Variants in CAMSAP2 observed in about 807,000 individuals in gnomAD.
CAMSAP2 encodes calmodulin regulated spectrin associated protein family member 2.
Under a neutral mutation model 146.1 loss-of-function variants are expected in CAMSAP2, and 26 were observed. That is an observed-to-expected ratio of 0.18 (90% CI 0.13 to 0.25). The LOEUF (loss-of-function observed/expected upper bound fraction) is 0.25, where lower values mean the gene tolerates loss of function less well. Ranked by LOEUF, CAMSAP2 falls within the 10% of genes least tolerant of loss-of-function variation. The pLI, the probability that CAMSAP2 is intolerant of heterozygous loss-of-function variation, is 1.00. For synonymous variants in CAMSAP2, 499 were observed against 596.6 expected (o/e 0.84, Z 2.38); for missense variants, 1,381 against 1,759.3 (o/e 0.78, Z 3.85).
rs182215118 is a variant in CAMSAP2 at position 200,744,613 on chromosome 1, A to G, written c.139+4647A>G. On this transcript the variant is annotated intron_variant, in intron 1 of 16. Coordinates refer to ENST00000358823, the MANE Select transcript of CAMSAP2 (RefSeq NM_203459.4). ...TCAGAAATAAGCTAAGAGTCATATAATTGGAAATATGACATTCAGAGGGAG... is the reference window on the plus strand; with the variant it reads ...TCAGAAATAAGCTAAGAGTCATATAGTTGGAAATATGACATTCAGAGGGAG... 3.0e-4 allele frequency among the ~76,000 whole-genome samples: 45 copies of G among 152,340 alleles called. No individual in the cohort carries two copies. In the East Asian group the frequency reaches 8.7e-3, roughly 29 times the overall value.
At chr1:200,841,640 C>G (rs1277515159) in intron 6 of CAMSAP2, among the ~76,000 whole-genome samples, 1 of 152,084 alleles carries the variant, frequency 6.6e-6, no homozygotes. Flanking sequence ...AAGTGATAAC[C>G]CCTCTTTAGA....
intron 2 of CAMSAP2, among the ~76,000 whole-genome samples, chr1:200,798,052 C>A (rs1213283034): frequency 6.7e-6 from 1 of 150,330 alleles, no homozygotes; most frequent in African/African-American, 2.4e-5. Context: ...GGTACCAGTA[C>A]CATGCTGTTT....
chr1:200,831,554 G>C (rs1414540831), intron 4 of CAMSAP2, among the ~76,000 whole-genome samples: 2 of 151,420 alleles, frequency 1.3e-5, no homozygotes, highest in African/African-American at 4.9e-5. Flanking sequence ...AGGAAACAAA[G>C]GTTTCTTCTC....
At position 200,849,585 on chromosome 1, in the gene CAMSAP2, C is replaced by G. The variant is rs1410827179; in HGVS notation, c.2816C>G (p.Ala939Gly). ...QIRDFKPSKQ[A>G]GLSSAIAPFS... Reference sequence around the variant, plus strand: ...CGAGATTTTAAGCCTTCTAAGCAGGCAGGCCTGTCATCAGCCATTGCACCA... The same window carrying G: ...CGAGATTTTAAGCCTTCTAAGCAGGGAGGCCTGTCATCAGCCATTGCACCA... The change falls in exon 11 of 17, where the codon GCA becomes GGA. Residue 939 changes from alanine to glycine, a missense_variant. Ala to Gly is a moderately conservative substitution (Grantham distance 60). This residue lies in a region of CAMSAP2 where 560 missense variants were observed against 715.9 expected (regional missense o/e 0.78). Coordinates refer to ENST00000358823, the MANE Select transcript of CAMSAP2 (RefSeq NM_203459.4). This position sits in a 1 kb window ranked among gnomAD's most constrained non-coding sequence, Gnocchi z 6.3. The G allele has an allele frequency of 6.2e-7, 1 of 1,614,204 alleles. No homozygotes were observed.
At chr1:200,828,981 C>A (rs951042219) in intron 4 of CAMSAP2, among the ~76,000 whole-genome samples, 34 of 151,798 alleles carry the variant, frequency 2.2e-4, no homozygotes, top group African/African-American at 8.2e-4. Context: ...CATGGAAAAA[C>A]CCCATCTCTA....
intron 2 of CAMSAP2, among the ~76,000 whole-genome samples, chr1:200,785,127 T>C (rs1177913531): frequency 6.6e-6 from 1 of 152,176 alleles, no homozygotes; most frequent in African/African-American, 2.4e-5. Context: ...GTAAATTATC[T>C]CTTTTATATA....
intron 2 of CAMSAP2, among the ~76,000 whole-genome samples, chr1:200,775,604 A>G (rs955363860): frequency 2.0e-5 from 3 of 152,116 alleles, no homozygotes; most frequent in African/African-American, 7.2e-5. Context: ...ATCTCAGCTC[A>G]CTGCAACCTC....
At chr1:200,746,776 G>A (rs530805034) in intron 1 of CAMSAP2, among the ~76,000 whole-genome samples, 70 of 151,580 alleles carry the variant, frequency 4.6e-4, no homozygotes, top group Non-Finnish European at 4.4e-4. Context: ...CCACCACCAC[G>A]CCCAGCTAAT....
intron 1 of CAMSAP2, among the ~76,000 whole-genome samples, chr1:200,757,685 T>C (rs1226699834): frequency 6.6e-6 from 1 of 152,224 alleles, no homozygotes; most frequent in Non-Finnish European, 1.5e-5. Context: ...TTTGAAGTCT[T>C]CTCTTAAGTA....
intron 6 of CAMSAP2, among the ~76,000 whole-genome samples, chr1:200,838,488 T>G (rs1359296813): frequency 6.6e-6 from 1 of 152,224 alleles, no homozygotes; most frequent in East Asian, 1.9e-4. Flanking sequence ...CGTAGATTCA[T>G]TCATTTGTAC....
chr1:200,765,004 T>G (rs1292253251), intron 2 of CAMSAP2, among the ~76,000 whole-genome samples: 1 of 151,972 alleles, frequency 6.6e-6, no homozygotes, highest in Non-Finnish European at 1.5e-5. Context: ...CATGGGAGGT[T>G]GAGGCAGGAG....
intron 4 of CAMSAP2, among the ~76,000 whole-genome samples, chr1:200,817,431 A>G (rs1024591158): frequency 1.3e-5 from 2 of 152,106 alleles, no homozygotes; most frequent in Non-Finnish European, 2.9e-5. Context: ...GCTAAGACCA[A>G]AAGCATATTT....
chr1:200,776,617 G>A (rs1296700165), intron 2 of CAMSAP2, among the ~76,000 whole-genome samples: 3 of 152,100 alleles, frequency 2.0e-5, no homozygotes, highest in Non-Finnish European at 2.9e-5. Flanking sequence ...CCCAGTACTT[G>A]GGAGACGGAG....
chr1:200,816,720 G>GCA (rs1378309273), intron 4 of CAMSAP2, among the ~76,000 whole-genome samples: 1 of 92,204 alleles, frequency 1.1e-5, no homozygotes, highest in Non-Finnish European at 2.5e-5. Flanking sequence ...ATATACACAC[G>GCA]CACATATATG....
At chr1:200,788,395 C>T (rs1193489093) in intron 2 of CAMSAP2, among the ~76,000 whole-genome samples, 1 of 152,116 alleles carries the variant, frequency 6.6e-6, no homozygotes, top group Non-Finnish European at 1.5e-5. Context: ...TAGGTATATA[C>T]CATGGAGTGT....
intron 2 of CAMSAP2, among the ~76,000 whole-genome samples, chr1:200,806,536 G>A (rs1397855343): frequency 6.6e-6 from 1 of 152,134 alleles, no homozygotes; most frequent in Non-Finnish European, 1.5e-5. Flanking sequence ...AATTGTGGTT[G>A]CCCTTGGACC....
At chr1:200,791,856 C>T (rs1665761139) in intron 2 of CAMSAP2, among the ~76,000 whole-genome samples, 1 of 152,042 alleles carries the variant, frequency 6.6e-6, no homozygotes, top group African/African-American at 2.4e-5. Flanking sequence ...ATCTCAGTTA[C>T]TCAGGAGGCT....
chr1:200,836,555 AC>A (rs1667189330), intron 6 of CAMSAP2, among the ~76,000 whole-genome samples: 2 of 123,134 alleles, frequency 1.6e-5, no homozygotes, highest in Non-Finnish European at 3.9e-5. Context: ...GTGAACATAC[AC>A]ATGCATGTGT....
intron 2 of CAMSAP2, among the ~76,000 whole-genome samples, chr1:200,806,946 C>G (rs1666194321): frequency 6.6e-6 from 1 of 152,008 alleles, no homozygotes; most frequent in African/African-American, 2.4e-5. Context: ...ATGTTTGGGT[C>G]TGAATTGGAA....
Sources: gnomAD v4.1 joint callset for allele counts (sites outside exome capture counted in the v4.1 genomes callset) on GRCh38, gnomAD v4.1.1 for gene constraint, gnomAD v4.1.1 regional missense constraint, Gnocchi (gnomAD v3.1) non-coding constraint, MANE v1.5 for transcripts, NCBI Gene and HGNC (gene_info 2026-07-23, HGNC 2026-07-21) for gene names.